The following TMEM132D variants were observed in gnomAD, a reference collection of about 807,000 sequenced individuals.
TMEM132D encodes transmembrane protein 132D.
A neutral mutation model predicts 62.3 loss-of-function variants in TMEM132D; 21 were observed. The observed-to-expected ratio is 0.34, with a 90% confidence interval of 0.24 to 0.49. The LOEUF is 0.49. TMEM132D is among the 20% of genes least tolerant of loss of function. TMEM132D has a pLI of 0.99. For missense variants in TMEM132D, 1,346 were observed against 1,402.8 expected, an observed-to-expected ratio of 0.96 and a Z score of 0.65; for synonymous variants, 621 against 575.6, an observed-to-expected ratio of 1.08 and a Z score of -1.13.
chr12:129,307,958 C>A (rs772636458), intron 4 of TMEM132D, among the ~76,000 whole-genome samples: 23 of 152,230 alleles, frequency 1.5e-4, no homozygotes, highest in Admixed American at 3.3e-4. Flanking sequence ...CCAAACTTAT[C>A]TTGAGACATT....
At chr12:129,403,226 G>T (rs564044155) in intron 3 of TMEM132D, among the ~76,000 whole-genome samples, 1 of 149,618 alleles carries the variant, frequency 6.7e-6, no homozygotes, top group East Asian at 2.0e-4. Flanking sequence ...TCAAAGACTT[G>T]TCAGCGAAGG....
At chr12:129,480,383 G>C (rs983192323) in intron 3 of TMEM132D, among the ~76,000 whole-genome samples, 3 of 152,240 alleles carry the variant, frequency 2.0e-5, no homozygotes, top group African/African-American at 7.2e-5. Context: ...CAAGTGTCCT[G>C]ATGGGAGTTT....
intron 2 of TMEM132D, among the ~76,000 whole-genome samples, chr12:129,643,847 ATTT>A (rs531369497): frequency 3.7e-4 from 53 of 142,192 alleles, no homozygotes; most frequent in South Asian, 4.6e-4. Context: ...CCAATGTACC[ATTT>A]TTTTTTTTTT....
At chr12:129,782,113 G>A (rs1315917948) in intron 1 of TMEM132D, among the ~76,000 whole-genome samples, 1 of 152,120 alleles carries the variant, frequency 6.6e-6, no homozygotes, top group Non-Finnish European at 1.5e-5. Context: ...TACCCGAAAT[G>A]CCTGGAACCA....
intron 3 of TMEM132D, among the ~76,000 whole-genome samples, chr12:129,524,316 T>G (rs1875946343): frequency 6.6e-6 from 1 of 152,204 alleles, no homozygotes; most frequent in African/African-American, 2.4e-5. Flanking sequence ...ATTAACTCAG[T>G]ATTTTTCTCT....
At chr12:129,707,478 C>A (rs1441360885) in intron 1 of TMEM132D, among the ~76,000 whole-genome samples, 1 of 152,014 alleles carries the variant, frequency 6.6e-6, no homozygotes, top group Non-Finnish European at 1.5e-5. Flanking sequence ...AAAAGACACA[C>A]AGTAGCATAG....
At chr12:129,585,287 A>C (rs1877992680) in intron 2 of TMEM132D, among the ~76,000 whole-genome samples, 1 of 152,192 alleles carries the variant, frequency 6.6e-6, no homozygotes, top group Admixed American at 6.6e-5. Flanking sequence ...CTACATAGCC[A>C]AGGACGCCCA....
chr12:129,380,708 C>T (rs908710717), intron 3 of TMEM132D, among the ~76,000 whole-genome samples: 2 of 152,108 alleles, frequency 1.3e-5, no homozygotes, highest in African/African-American at 2.4e-5. Context: ...ATAGTCACCT[C>T]GCCCTCTCCT....
intron 2 of TMEM132D, among the ~76,000 whole-genome samples, chr12:129,653,282 G>T (rs1187304402): frequency 6.6e-6 from 1 of 152,144 alleles, no homozygotes; most frequent in African/African-American, 2.4e-5. Flanking sequence ...TCACATGCCA[G>T]GTCAACATCA....
At chr12:129,219,721 A>G (rs1879302618) in intron 4 of TMEM132D, among the ~76,000 whole-genome samples, 1 of 152,236 alleles carries the variant, frequency 6.6e-6, no homozygotes, top group Non-Finnish European at 1.5e-5. Context: ...ATGTGCTTAT[A>G]AACCTTGGAG....
chr12:129,240,511 T>C (rs968314372), intron 4 of TMEM132D, among the ~76,000 whole-genome samples: 1 of 152,138 alleles, frequency 6.6e-6, no homozygotes, highest in Non-Finnish European at 1.5e-5. Context: ...ACCTAGACCA[T>C]ATATTGTTTT....
At chr12:129,112,296 A>T (rs770660449) in intron 5 of TMEM132D, among the ~76,000 whole-genome samples, 7 of 152,202 alleles carry the variant, frequency 4.6e-5, no homozygotes, top group Non-Finnish European at 1.0e-4. Flanking sequence ...CCCATGTAGG[A>T]ACCAGGGTTT....
At chr12:129,170,546 C>G (rs1230794825) in intron 5 of TMEM132D, among the ~76,000 whole-genome samples, 1 of 152,102 alleles carries the variant, frequency 6.6e-6, no homozygotes, top group African/African-American at 2.4e-5. Flanking sequence ...TTATTGAGGG[C>G]CAGGCATGAT....
Position 129,732,490 on chromosome 12 carries a change from T to C in TMEM132D, c.80-31792A>G, listed in dbSNP as rs149373939. ...GAGGGGCCGATGCCTCAGAGCTTGG[T>C]GCTGTCTTCACAAGAGTAAAGTTAA... is the stretch of plus-strand genomic sequence containing the variant. On this transcript the variant is annotated intron_variant, in intron 1 of 8. Coordinates refer to ENST00000422113, the MANE Select transcript of TMEM132D (RefSeq NM_133448.3). 7.0e-3 allele frequency among the ~76,000 whole-genome samples: 1,063 copies of C among 152,254 alleles called. 11 individuals carry two copies. Among genetic ancestry groups the C allele is most frequent in the African/African-American group, 0.025 (1,028 of 41,544 alleles).
rs532862402 is a variant in TMEM132D at position 129,071,778 on chromosome 12, T to A, written c.*2097A>T. On this transcript the variant is annotated 3_prime_UTR_variant, in exon 9 of 9. Coordinates refer to ENST00000422113, the MANE Select transcript of TMEM132D (RefSeq NM_133448.3). ...AGTCAGTAAGTTTATAAATATATATTACATTCTTACAATCTACAGTACATT... is the reference window on the plus strand; with the variant it reads ...AGTCAGTAAGTTTATAAATATATATAACATTCTTACAATCTACAGTACATT... The A allele has an allele frequency of 6.6e-6, 1 of 152,376 alleles. No individual in the cohort carries two copies. Among genetic ancestry groups the A allele is most frequent in the East Asian group, 1.9e-4 (1 of 5,194 alleles). 9.4% of individuals were successfully genotyped at this position (152,376 alleles called of 1,614,324 possible).
Position 129,378,776 on chromosome 12 carries a change from T to A in TMEM132D, c.1116-40959A>T, listed in dbSNP as rs189859214. On this transcript the variant is annotated intron_variant, in intron 3 of 8. Coordinates refer to ENST00000422113, the MANE Select transcript of TMEM132D (RefSeq NM_133448.3). The stretch of plus-strand genomic sequence containing the variant: ...AAAATGTAGCCATCAGCACCATTAT[T>A]GCTTCTTGTACTTTTTCAATGGGGA... Among the ~76,000 whole-genome samples, 26 of 152,326 alleles carry A rather than the reference T, an allele frequency of 1.7e-4. No homozygotes were observed. In the East Asian group the frequency reaches 2.5e-3, roughly 15 times the overall value.
intron 5 of TMEM132D, among the ~76,000 whole-genome samples, chr12:129,140,771 G>A (rs1876718034): frequency 6.6e-6 from 1 of 151,582 alleles, no homozygotes; most frequent in African/African-American, 2.4e-5. Context: ...CGCTGGTGGT[G>A]GAGGTTGCTG....
intron 2 of TMEM132D, among the ~76,000 whole-genome samples, chr12:129,560,089 C>T (rs887887565): frequency 6.6e-6 from 1 of 152,160 alleles, no homozygotes; most frequent in South Asian, 2.1e-4. Flanking sequence ...TATGGGCAAC[C>T]ACATAAAGTG....
At chr12:129,829,541 G>C (rs1420728009) in intron 1 of TMEM132D, among the ~76,000 whole-genome samples, 2 of 152,140 alleles carry the variant, frequency 1.3e-5, no homozygotes, top group Non-Finnish European at 2.9e-5. Flanking sequence ...GGGCCTCCTT[G>C]TCTACAGAGG....
Sources: gnomAD v4.1 joint callset for allele counts (sites outside exome capture counted in the v4.1 genomes callset) on GRCh38, gnomAD v4.1.1 for gene constraint, MANE v1.5 for transcripts, NCBI Gene and HGNC (gene_info 2026-07-23, HGNC 2026-07-21) for gene names.